The following TSHR variants were observed in gnomAD, a reference collection of about 807,000 sequenced individuals.
The protein encoded by TSHR is thyrotropin receptor.
Under a neutral mutation model 64.1 loss-of-function variants are expected in TSHR, and 51 were observed. The ratio of observed to expected loss-of-function variants is 0.80; its 90% CI spans 0.64 to 1.01. The LOEUF is 1.01. Ranked by LOEUF, TSHR falls within the 50% of genes least tolerant of loss-of-function variation. The pLI is 0.00. For missense variants in TSHR, 877 were observed against 942.8 expected (o/e 0.93, Z 0.91); for synonymous variants, 361 against 361.9 (o/e 1.00, Z 0.03).
chr14:81,000,305 C>T (rs1397359685), intron 1 of TSHR, among the ~76,000 whole-genome samples: 2 of 123,034 alleles, frequency 1.6e-5, no homozygotes, highest in Non-Finnish European at 3.5e-5. Flanking sequence ...TTAACATGTA[C>T]CATAAGCACC....
chr14:81,131,519 G>A (rs1055646789), intron 8 of TSHR, among the ~76,000 whole-genome samples: 5 of 152,142 alleles, frequency 3.3e-5, no homozygotes, highest in African/African-American at 1.2e-4. Flanking sequence ...CAATACGTCC[G>A]CTGACTTCTC....
intron 3 of TSHR, among the ~76,000 whole-genome samples, chr14:81,080,253 A>C (rs1205537514): frequency 6.6e-6 from 1 of 152,144 alleles, no homozygotes; most frequent in Non-Finnish European, 1.5e-5. Context: ...CACCTGGCCT[A>C]TGTGAGTTTT....
At chr14:81,010,733 T>C (rs1231072738) in intron 1 of TSHR, among the ~76,000 whole-genome samples, 1 of 152,202 alleles carries the variant, frequency 6.6e-6, no homozygotes, top group Non-Finnish European at 1.5e-5. Flanking sequence ...CATTCTGTCT[T>C]CTTAACCTTA....
Position 81,009,878 on chromosome 14 carries a change from T to TG in TSHR, c.171-52264dup, listed in dbSNP as rs961138141. Among the ~76,000 whole-genome samples the TG allele has an allele frequency of 5.3e-5, 8 of 151,996 alleles. No individual in the cohort carries two copies. The South Asian group carries it at 1.5e-3, about 28-fold the overall frequency. On this transcript the variant is annotated intron_variant, in intron 1 of 9. Transcript: ENST00000298171. ...TTGTGTACGTCAACTGTGCCAGTTGTGGGGGGAGAATATACCTAGATGAGG... is the reference window on the plus strand; with the variant it reads ...TTGTGTACGTCAACTGTGCCAGTTGTGGGGGGGAGAATATACCTAGATGAGG...
intron 8 of TSHR, among the ~76,000 whole-genome samples, chr14:81,138,893 C>A (rs1891566143): frequency 6.6e-6 from 1 of 152,146 alleles, no homozygotes; most frequent in African/African-American, 2.4e-5. Context: ...AATGATGGAG[C>A]AAGACATGGA....
At chr14:80,976,158 G>T (rs181399621) in intron 1 of TSHR, among the ~76,000 whole-genome samples, 7 of 152,094 alleles carry the variant, frequency 4.6e-5, no homozygotes, top group Non-Finnish European at 8.8e-5. Flanking sequence ...TGATCCGCCC[G>T]CCTCGGCCTC....
At position 81,144,349 on chromosome 14, in the gene TSHR, TGTAA is replaced by T. The variant is rs1467709727; in HGVS notation, c.2294_*2del. ...TCAGAAGAGTATATGCAAACGGTTTTGTAAGTTAACACTACACTACTCACAATGG... is the reference window on the plus strand; with the variant it reads ...TCAGAAGAGTATATGCAAACGGTTTTGTTAACACTACACTACTCACAATGG... On this transcript the variant is annotated frameshift_variant and stop_lost, in exon 10 of 10. Coordinates refer to ENST00000298171, the MANE Select transcript of TSHR (RefSeq NM_000369.5). LOFTEE classifies it high-confidence loss of function. The T allele has an allele frequency of 6.2e-7, 1 of 1,614,178 alleles. No individual in the cohort carries two copies. The highest frequency in any genetic ancestry group is 1.1e-5 in the South Asian group (1 of 91,082).
At chr14:80,976,952 C>A (rs975662073) in intron 1 of TSHR, among the ~76,000 whole-genome samples, 1 of 152,220 alleles carries the variant, frequency 6.6e-6, no homozygotes, top group Admixed American at 6.5e-5. Flanking sequence ...CATGATGATA[C>A]CCCACCATGG....
At chr14:81,071,540 T>G (rs531983543) in intron 3 of TSHR, among the ~76,000 whole-genome samples, 311 of 152,248 alleles carry the variant, frequency 2.0e-3, no homozygotes, top group Non-Finnish European at 3.6e-3. Flanking sequence ...ACTAAGTTCC[T>G]CTGATTAATA....
chr14:81,067,927 C>CTATATATATATATATGTATATATATATA (rs1886757642), intron 2 of TSHR, among the ~76,000 whole-genome samples: 1 of 95,798 alleles, frequency 1.0e-5, no homozygotes, highest in African/African-American at 5.9e-5. Flanking sequence ...CAGGGTGACA[C>CTATATATATATATATGTATATATATATA]TATATATATA....
intron 1 of TSHR, among the ~76,000 whole-genome samples, chr14:81,008,602 G>A (rs1481950790): frequency 1.3e-5 from 2 of 152,148 alleles, no homozygotes; most frequent in African/African-American, 4.8e-5. Flanking sequence ...ATATAAATAT[G>A]TAAAATAAGG....
chr14:81,078,191 T>G (rs1048101820), intron 3 of TSHR, among the ~76,000 whole-genome samples: 1 of 152,210 alleles, frequency 6.6e-6, no homozygotes, highest in Non-Finnish European at 1.5e-5. Flanking sequence ...CCCAAAAAAC[T>G]TTTAGTATTT....
At chr14:80,976,160 C>G (rs1887863830) in intron 1 of TSHR, among the ~76,000 whole-genome samples, 1 of 152,196 alleles carries the variant, frequency 6.6e-6, no homozygotes, top group South Asian at 2.1e-4. Context: ...ATCCGCCCGC[C>G]TCGGCCTCCC....
chr14:81,125,635 G>A (rs1890989012), intron 8 of TSHR, among the ~76,000 whole-genome samples: 2 of 152,078 alleles, frequency 1.3e-5, no homozygotes, highest in African/African-American at 2.4e-5. Flanking sequence ...CTTTCTTTCT[G>A]TGCTTACCAA....
chr14:81,123,000 G>A (rs1172023216), intron 8 of TSHR, among the ~76,000 whole-genome samples: 2 of 152,044 alleles, frequency 1.3e-5, no homozygotes, highest in African/African-American at 2.4e-5. Context: ...GGTGGCAGGC[G>A]CCTGTAATCC....
chr14:81,099,854 T>G (rs149768169), intron 7 of TSHR, among the ~76,000 whole-genome samples: 1 of 152,338 alleles, frequency 6.6e-6, no homozygotes, highest in Non-Finnish European at 1.5e-5. Flanking sequence ...CTGCAAAGAC[T>G]TCAAGAGATT....
chr14:81,114,460 C>T (rs35080161), intron 8 of TSHR, among the ~76,000 whole-genome samples: 20,790 of 152,196 alleles, frequency 0.14, 1,775 homozygotes, highest in East Asian at 0.29. Flanking sequence ...CCGAATACTG[C>T]GCTTTTCCGA....
At chr14:81,008,070 A>G (rs971533103) in intron 1 of TSHR, among the ~76,000 whole-genome samples, 3 of 152,186 alleles carry the variant, frequency 2.0e-5, no homozygotes, top group Non-Finnish European at 4.4e-5. Context: ...TCACCTAACA[A>G]CACTGATGAT....
intron 8 of TSHR, among the ~76,000 whole-genome samples, chr14:81,122,819 C>T (rs1189675409): frequency 6.6e-6 from 1 of 152,064 alleles, no homozygotes; most frequent in Non-Finnish European, 1.5e-5. Flanking sequence ...AAAATAGGTC[C>T]ATGCATTATT....
Sources: allele counts gnomAD v4.1 joint callset (sites outside exome capture counted in the v4.1 genomes callset), GRCh38; gene constraint gnomAD v4.1.1; transcripts MANE v1.5; gene names NCBI Gene and HGNC (gene_info 2026-07-23, HGNC 2026-07-21).